CDH12: variants seen among roughly 807,000 people sequenced by gnomAD.
CDH12 encodes the protein cadherin-12.
In CDH12, 41 loss-of-function variants were observed where a neutral mutation model predicts 74.1. That is an observed-to-expected ratio of 0.55 (90% confidence interval 0.43 to 0.72). The LOEUF (loss-of-function observed/expected upper bound fraction) is 0.72, where lower values mean the gene tolerates loss of function less well. CDH12 is among the 30% of genes least tolerant of loss of function. CDH12 has a pLI of 0.00. For missense variants in CDH12, 945 were observed against 977.2 expected (o/e 0.97, Z 0.44); for synonymous variants, 399 against 355.0 (o/e 1.12, Z -1.39).
chr5:22,692,210 A>G (rs1421059185), intron 1 of CDH12, among the ~76,000 whole-genome samples: 2 of 152,326 alleles, frequency 1.3e-5, no homozygotes, highest in African/African-American at 2.4e-5. Flanking sequence ...CTCTTCCACC[A>G]TGAACTGAAG....
At chr5:22,170,139 C>T (rs1223006807) in intron 4 of CDH12, among the ~76,000 whole-genome samples, 1 of 151,668 alleles carries the variant, frequency 6.6e-6, no homozygotes, top group African/African-American at 2.4e-5. Flanking sequence ...GCTGAATGTC[C>T]CTCAGAATAG....
intron 4 of CDH12, among the ~76,000 whole-genome samples, chr5:22,192,613 G>A (rs1750374398): frequency 6.6e-6 from 1 of 151,930 alleles, no homozygotes; most frequent in Non-Finnish European, 1.5e-5. Context: ...GTGCACACAG[G>A]CTTATGCATG....
chr5:21,917,798 T>C (rs1388387296), intron 6 of CDH12, among the ~76,000 whole-genome samples: 1 of 152,222 alleles, frequency 6.6e-6, no homozygotes, highest in African/African-American at 2.4e-5. Flanking sequence ...AAATATTTCT[T>C]GTCCATAGAA....
At chr5:22,235,910 A>C (rs1752545062) in intron 3 of CDH12, among the ~76,000 whole-genome samples, 1 of 152,216 alleles carries the variant, frequency 6.6e-6, no homozygotes, top group Non-Finnish European at 1.5e-5. Context: ...CACCTGGGCT[A>C]TATGGTGTAC....
At chr5:22,446,948 A>T (rs966183493) in intron 2 of CDH12, among the ~76,000 whole-genome samples, 1 of 152,136 alleles carries the variant, frequency 6.6e-6, no homozygotes, top group Non-Finnish European at 1.5e-5. Flanking sequence ...GATGAGATAC[A>T]TATTCTCTTC....
intron 6 of CDH12, among the ~76,000 whole-genome samples, chr5:21,936,426 A>G (rs1304069978): frequency 6.6e-6 from 1 of 152,092 alleles, no homozygotes; most frequent in Non-Finnish European, 1.5e-5. Flanking sequence ...TTTAATAGAT[A>G]TGTATTAAAT....
chr5:22,240,826 C>T (rs1192450717), intron 3 of CDH12, among the ~76,000 whole-genome samples: 3 of 152,100 alleles, frequency 2.0e-5, no homozygotes, highest in African/African-American at 4.8e-5. Context: ...GAGCCACCGC[C>T]GCACCTGGCC....
chr5:22,435,355 T>C (rs193108638), intron 2 of CDH12, among the ~76,000 whole-genome samples: 386 of 152,046 alleles, frequency 2.5e-3, no homozygotes, highest in African/African-American at 9.0e-3. Context: ...TCGTGAGACC[T>C]TGTGATCATG....
Position 22,822,599 on chromosome 5 carries a change from A to G in CDH12, c.-523+30459T>C, listed in dbSNP as rs192370719. 4.7e-3 allele frequency among the ~76,000 whole-genome samples: 714 copies of G among 152,338 alleles called. 9 individuals are homozygous for G. Among genetic ancestry groups the G allele is most frequent in the African/African-American group, 0.016 (680 of 41,578 alleles). On this transcript the variant is annotated intron_variant, in intron 1 of 14. Coordinates refer to ENST00000382254, the MANE Select transcript of CDH12 (RefSeq NM_004061.5). The stretch of plus-strand genomic sequence containing the variant: ...ATATGAACAGACATTTCTCAAAAGA[A>G]GACATTTATGCAGCCAAAAAACACA...
chr5:22,090,691 C>T (rs1743366633), intron 4 of CDH12, among the ~76,000 whole-genome samples: 1 of 151,628 alleles, frequency 6.6e-6, no homozygotes, highest in African/African-American at 2.4e-5. Context: ...AGTTCTGGCA[C>T]AGCAAATCCA....
intron 4 of CDH12, among the ~76,000 whole-genome samples, chr5:22,093,857 G>A (rs953599626): frequency 6.6e-6 from 1 of 152,152 alleles, no homozygotes; most frequent in Non-Finnish European, 1.5e-5. Flanking sequence ...TAGTGGACCT[G>A]AAATTGTCTT....
In CDH12 at chr5:22,408,966, A is replaced by G. The variant is rs533784157; in HGVS notation, c.-427-3615T>C. On this transcript the variant is annotated intron_variant, in intron 2 of 14. Coordinates refer to ENST00000382254, the MANE Select transcript of CDH12 (RefSeq NM_004061.5). ...TACAATAAGGCATACTGACTTACCT[A>G]TCACCATAAGTATTAAACCATATGC... Among the ~76,000 whole-genome samples the G allele has an allele frequency of 3.3e-5, 5 of 152,166 alleles. No homozygotes were observed. The Middle Eastern group carries it at 0.01, about 311-fold the overall frequency.
intron 1 of CDH12, among the ~76,000 whole-genome samples, chr5:22,604,957 A>G (rs943504908): frequency 1.3e-5 from 2 of 152,044 alleles, no homozygotes; most frequent in Admixed American, 6.5e-5. Context: ...CTGCAATGAG[A>G]CTTCCCTCTC....
chr5:22,658,707 G>C (rs780166031), intron 1 of CDH12, among the ~76,000 whole-genome samples: 12 of 152,110 alleles, frequency 7.9e-5, no homozygotes, highest in Non-Finnish European at 1.8e-4. Context: ...AAGAGGTCGA[G>C]TGACTCTTTA....
At chr5:22,182,428 T>C (rs1749697976) in intron 4 of CDH12, among the ~76,000 whole-genome samples, 1 of 152,306 alleles carries the variant, frequency 6.6e-6, no homozygotes, top group African/African-American at 2.4e-5. Flanking sequence ...ATTGCATCAG[T>C]GTTACCATTG....
intron 4 of CDH12, among the ~76,000 whole-genome samples, chr5:22,204,561 G>A (rs1751115798): frequency 6.6e-6 from 1 of 152,166 alleles, no homozygotes; most frequent in Non-Finnish European, 1.5e-5. Flanking sequence ...AATAAATCTA[G>A]CTTGCCCTTC....
intron 1 of CDH12, among the ~76,000 whole-genome samples, chr5:22,722,316 T>C (rs1009098911): frequency 3.9e-5 from 6 of 152,234 alleles, no homozygotes; most frequent in Admixed American, 3.9e-4. Flanking sequence ...TGGTGGTGTT[T>C]TGCTTATTGT....
chr5:22,789,881 G>C (rs1267208356), intron 1 of CDH12, among the ~76,000 whole-genome samples: 3 of 151,744 alleles, frequency 2.0e-5, no homozygotes, highest in African/African-American at 4.8e-5. Context: ...ATATAAAACA[G>C]TTTTCTTAAG....
chr5:22,826,578 G>C (rs1273598187), intron 1 of CDH12, among the ~76,000 whole-genome samples: 1 of 152,170 alleles, frequency 6.6e-6, no homozygotes, highest in African/African-American at 2.4e-5. Context: ...GAGACTTGTT[G>C]AAAGGCTTTG....
Sources: allele counts gnomAD v4.1 joint callset (sites outside exome capture counted in the v4.1 genomes callset), GRCh38; gene constraint gnomAD v4.1.1; transcripts MANE v1.5; gene names NCBI Gene and HGNC (gene_info 2026-07-23, HGNC 2026-07-21).